The following PPP2R3A variants were observed in gnomAD, a reference collection of about 807,000 sequenced individuals.
PPP2R3A encodes serine/threonine-protein phosphatase 2A regulatory subunit B'' subunit alpha.
PPP2R3A carries 80 observed loss-of-function variants against 106.9 expected under a neutral mutation model. That is an observed-to-expected ratio of 0.75 (90% CI 0.62 to 0.90). The LOEUF is 0.90. Among genes scored for constraint, PPP2R3A ranks in the 40% least tolerant of loss-of-function variants. The pLI, the probability that PPP2R3A is intolerant of heterozygous loss-of-function variation, is 0.00. For missense variants in PPP2R3A, 1,386 were observed against 1,350.4 expected, an observed-to-expected ratio of 1.03 and a Z score of -0.41; for synonymous variants, 483 against 468.3, an observed-to-expected ratio of 1.03 and a Z score of -0.41.
At chr3:136,145,015 T>C in intron 13 of PPP2R3A, 28 bp from the exon 14 acceptor site, 1 of 1,600,340 alleles carries the variant, frequency 6.2e-7, no homozygotes, top group Non-Finnish European at 8.5e-7. Context: ...AATCAATCAG[T>C]TAATTCACTT....
At chr3:136,116,964 C>T (rs1002920211) in intron 13 of PPP2R3A, among the ~76,000 whole-genome samples, 1 of 152,186 alleles carries the variant, frequency 6.6e-6, no homozygotes, top group Admixed American at 6.5e-5. Context: ...CGCACTTATT[C>T]TACAATTGAC....
At chr3:136,095,914 C>G (rs1937204633) in intron 10 of PPP2R3A, among the ~76,000 whole-genome samples, 1 of 152,132 alleles carries the variant, frequency 6.6e-6, no homozygotes, top group Admixed American at 6.5e-5. Context: ...TCCTGGTAAA[C>G]TCAGCATCAC....
At chr3:136,060,900 T>C (rs1341092032) in intron 5 of PPP2R3A, among the ~76,000 whole-genome samples, 2 of 152,176 alleles carry the variant, frequency 1.3e-5, no homozygotes, top group Admixed American at 1.3e-4. Flanking sequence ...GTGTTTTCAC[T>C]ACAAAATAAT....
intron 12 of PPP2R3A, among the ~76,000 whole-genome samples, chr3:136,103,633 C>A (rs184241706): frequency 5.0e-4 from 76 of 152,186 alleles, no homozygotes; most frequent in African/African-American, 1.8e-3. Context: ...CTGATACACA[C>A]ACTGGAAACA....
chr3:136,030,778 A>ATATATATGTATGTATG (rs1206335696), intron 3 of PPP2R3A, among the ~76,000 whole-genome samples: 4 of 111,258 alleles, frequency 3.6e-5, no homozygotes. Flanking sequence ...ATATATATAT[A>ATATATATGTATGTATG]TATGTATGTA....
rs145638737 is a variant in PPP2R3A, at chr3:136,136,116, A to G, written c.3330-8927A>G. On this transcript the variant is annotated intron_variant, in intron 13 of 13. Coordinates refer to ENST00000264977, the MANE Select transcript of PPP2R3A (RefSeq NM_002718.5). ...TATAAAAAACATCATGGTTAAGAGC[A>G]TGAAATTTGAAGTTAGACGAACCTA... Among the ~76,000 whole-genome samples, 699 of 148,246 alleles carry G rather than the reference A, an allele frequency of 4.7e-3. 12 individuals carry two copies. The highest frequency in any genetic ancestry group is 0.017 in the African/African-American group (664 of 39,302).
At chr3:136,014,426 A>G (rs897641868) in intron 2 of PPP2R3A, among the ~76,000 whole-genome samples, 4 of 152,154 alleles carry the variant, frequency 2.6e-5, no homozygotes, top group African/African-American at 4.8e-5. Flanking sequence ...CATTTTCACA[A>G]TATTGATCCT....
rs1324253831 is a variant in PPP2R3A at position 136,049,287 on chromosome 3, T to G, written c.2395T>G (p.Ser799Ala). The part of the protein sequence containing the change: ...KLLNNHHDDA[S>A]KFICLLAKPN... ...GCTGAATAACCATCATGATGATGCCTCTAAATTCATCTGTCTTCTAGCAAA... is the reference window on the plus strand; with the variant it reads ...GCTGAATAACCATCATGATGATGCCGCTAAATTCATCTGTCTTCTAGCAAA... Residue 799 changes from serine (S) to alanine (A), a missense_variant, in exon 5 of 14, where the codon TCT (serine) becomes GCT (alanine). By Grantham distance (99) the Ser-to-Ala change is moderately conservative. Transcript: ENST00000264977. 6.2e-7 allele frequency: 1 copy of G among 1,613,574 alleles called. No homozygotes were observed. Among genetic ancestry groups the G allele is most frequent in the African/African-American group, 1.3e-5 (1 of 74,940 alleles).
chr3:135,973,926 T>A (rs1282496509), intron 1 of PPP2R3A, among the ~76,000 whole-genome samples: 1 of 152,190 alleles, frequency 6.6e-6, no homozygotes, highest in Non-Finnish European at 1.5e-5. Context: ...TCCAGTTCCT[T>A]TTCCACCAGT....
chr3:136,015,165 G>C (rs919276741), intron 2 of PPP2R3A, among the ~76,000 whole-genome samples: 2 of 152,038 alleles, frequency 1.3e-5, no homozygotes, highest in African/African-American at 2.4e-5. Flanking sequence ...CTGCATCCCT[G>C]GTATGAAACC....
At chr3:136,057,536 A>C (rs371917144) in intron 5 of PPP2R3A, among the ~76,000 whole-genome samples, 1 of 152,126 alleles carries the variant, frequency 6.6e-6, no homozygotes, top group African/African-American at 2.4e-5. Flanking sequence ...ATGAAGGGAA[A>C]AAGAGAATAT....
intron 8 of PPP2R3A, among the ~76,000 whole-genome samples, chr3:136,085,527 G>A (rs537394816): frequency 1.6e-4 from 24 of 152,002 alleles, no homozygotes; most frequent in Non-Finnish European, 2.5e-4. Flanking sequence ...TGATCCACTC[G>A]CTTTGGCCTG....
At chr3:136,121,229 A>G (rs1028961831) in intron 13 of PPP2R3A, among the ~76,000 whole-genome samples, 7 of 152,250 alleles carry the variant, frequency 4.6e-5, no homozygotes, top group Non-Finnish European at 7.3e-5. Context: ...CCTATACACC[A>G]TGGAATACTA....
chr3:136,028,448 C>T (rs1934744316), intron 3 of PPP2R3A, among the ~76,000 whole-genome samples: 1 of 152,170 alleles, frequency 6.6e-6, no homozygotes, highest in African/African-American at 2.4e-5. Flanking sequence ...GTTTCCATTC[C>T]ATTTTACTTA....
chr3:136,125,911 A>G (rs557844919), intron 13 of PPP2R3A, among the ~76,000 whole-genome samples: 1 of 152,180 alleles, frequency 6.6e-6, no homozygotes, highest in South Asian at 2.1e-4. Flanking sequence ...CCCAACATCC[A>G]TTGACAATAA....
In PPP2R3A at chr3:136,002,034, G is replaced by C. The variant is rs759670942; in HGVS notation, c.536G>C (p.Ser179Thr). The change falls in exon 2 of 14, where the codon AGT (serine) becomes ACT (threonine). Residue 179 changes from serine to threonine, a missense_variant. Transcript: ENST00000264977. ...GCCCCATCCTTTGGTTTACTGCGGAGTTCCTCAGTTGAGGAAAAACCTTTG... is the reference window on the plus strand; with the variant it reads ...GCCCCATCCTTTGGTTTACTGCGGACTTCCTCAGTTGAGGAAAAACCTTTG... ...GNAPSFGLLR[S>T]SSVEEKPLSH... The C allele has an allele frequency of 6.2e-6, 10 of 1,613,978 alleles. No individual in the cohort carries two copies. Among genetic ancestry groups the C allele is most frequent in the Admixed American group, 3.3e-5 (2 of 59,986 alleles).
chr3:135,973,664 A>G (rs1937309884), intron 1 of PPP2R3A, among the ~76,000 whole-genome samples: 1 of 152,190 alleles, frequency 6.6e-6, no homozygotes, highest in Non-Finnish European at 1.5e-5. Context: ...AGGAAATTAA[A>G]AGGCAGTTTC....
rs993786414 is a variant in PPP2R3A, at chr3:136,001,880, T to C, written c.382T>C (p.Ser128Pro). ...SFASGKIKEFSFEKLKNSNHA... is the reference protein window; with the variant it reads ...SFASGKIKEFPFEKLKNSNHA... ...TGCCAGTGGGAAAATAAAAGAATTT[T>C]CCTTTGAAAAACTCAAAAACTCTAA... Residue 128 changes from serine (S) to proline (P), a missense_variant, in exon 2 of 14, where the codon TCC becomes CCC. Transcript: ENST00000264977. 10 of 1,613,978 alleles carry C rather than the reference T, an allele frequency of 6.2e-6. No individual in the cohort carries two copies. The highest frequency in any genetic ancestry group is 8.5e-6 in the Non-Finnish European group (10 of 1,180,020).
At chr3:136,061,962 A>G (rs1316437973) in intron 5 of PPP2R3A, among the ~76,000 whole-genome samples, 4 of 151,780 alleles carry the variant, frequency 2.6e-5, no homozygotes, top group East Asian at 3.9e-4. Flanking sequence ...AGTCCTGACA[A>G]TTATGAATTT....
Sources: gnomAD v4.1 joint callset for allele counts (sites outside exome capture counted in the v4.1 genomes callset) on GRCh38, gnomAD v4.1.1 for gene constraint, MANE v1.5 for transcripts, NCBI Gene and HGNC (gene_info 2026-07-23, HGNC 2026-07-21) for gene names.